The following FRMD4A variants were observed in gnomAD, a reference collection of about 807,000 sequenced individuals.
FRMD4A encodes FERM domain-containing protein 4A.
FRMD4A carries 29 observed loss-of-function variants against 129.1 expected under a neutral mutation model. The ratio of observed to expected loss-of-function variants is 0.22; its 90% CI spans 0.17 to 0.31. The LOEUF (loss-of-function observed/expected upper bound fraction) is 0.31, where lower values mean the gene tolerates loss of function less well. FRMD4A is among the 10% of genes least tolerant of loss of function. The pLI, the probability that FRMD4A is intolerant of heterozygous loss-of-function variation, is 1.00. For synonymous variants in FRMD4A, 634 were observed against 571.6 expected (o/e 1.11, Z -1.56); for missense variants, 1,272 against 1,375.8 (o/e 0.92, Z 1.19).
rs374372861 is a variant in FRMD4A at position 13,865,408 on chromosome 10, G to T, written c.46-6496C>A. Among the ~76,000 whole-genome samples, 3 of 127,146 alleles carry T rather than the reference G, an allele frequency of 2.4e-5. No homozygotes were observed. The South Asian group carries it at 8.3e-4, about 35-fold the overall frequency. 83.4% of individuals were successfully genotyped at this position (127,146 alleles called of 152,430 possible). A position where few individuals can be genotyped will look rare whatever the true frequency, so the allele number is the denominator to read the frequency against. On this transcript the variant is annotated intron_variant, in intron 2 of 24. Transcript: ENST00000357447. Reference sequence around the variant, plus strand: ...TTACTTTATTTTATTTATTTTATTTGTTTTATTTTATTTTATTTTATTTTA... The same window carrying T: ...TTACTTTATTTTATTTATTTTATTTTTTTTATTTTATTTTATTTTATTTTA...
intron 2 of FRMD4A, among the ~76,000 whole-genome samples, chr10:13,917,545 C>T (rs1305947657): frequency 2.0e-5 from 3 of 152,200 alleles, no homozygotes; most frequent in South Asian, 2.1e-4. Context: ...CTGCCTTGGC[C>T]TCCCAAAGTG....
Position 13,757,563 on chromosome 10 carries a change from T to C in FRMD4A, c.464+4084A>G, listed in dbSNP as rs181671797. ...CAATAAGACAAGGAAGTGAGCTATT[T>C]TGTTAGTGGGAAAGAAAAGACAGTT... On this transcript the variant is annotated intron_variant, in intron 8 of 24. Coordinates refer to ENST00000357447, the MANE Select transcript of FRMD4A (RefSeq NM_018027.5). Among the ~76,000 whole-genome samples, 25 of 152,292 alleles carry C rather than the reference T, an allele frequency of 1.6e-4. 1 individual carries two copies. The South Asian group carries it at 4.6e-3, about 28-fold the overall frequency.
chr10:14,178,301 C>T (rs1841800121), intron 2 of FRMD4A, among the ~76,000 whole-genome samples: 1 of 152,180 alleles, frequency 6.6e-6, no homozygotes, highest in Admixed American at 6.5e-5. Context: ...TTATTTTAGA[C>T]TATTAGGCTA....
intron 2 of FRMD4A, among the ~76,000 whole-genome samples, chr10:14,256,904 T>C (rs376110501): frequency 6.6e-6 from 1 of 152,228 alleles, no homozygotes; most frequent in African/African-American, 2.4e-5. Flanking sequence ...CATGCATGCA[T>C]GTATAGAGCA....
chr10:13,900,771 C>G (rs1380682860), intron 2 of FRMD4A, among the ~76,000 whole-genome samples: 1 of 149,244 alleles, frequency 6.7e-6, no homozygotes, highest in Non-Finnish European at 1.5e-5. Flanking sequence ...TTGGCAGGTG[C>G]CTGTAATCCC....
intron 2 of FRMD4A, among the ~76,000 whole-genome samples, chr10:14,005,789 TA>T (rs2095660101): frequency 6.6e-6 from 1 of 152,104 alleles, no homozygotes; most frequent in South Asian, 2.1e-4. Context: ...TAAAGAAGAT[TA>T]AAACTCTCCA....
rs11258545 is a variant in FRMD4A at position 13,714,061 on chromosome 10, A to T, written c.760-6948T>A. Among the ~76,000 whole-genome samples, 237 of 27,320 alleles carry T rather than the reference A, an allele frequency of 8.7e-3. 15 individuals are homozygous for T. The East Asian group carries it at 0.14, about 16-fold the overall frequency. The allele number at this position is 27,320 out of a possible 152,430, so 17.9% of individuals were successfully genotyped here. A position where few individuals can be genotyped will look rare whatever the true frequency, so the allele number is the denominator to read the frequency against. On this transcript the variant is annotated intron_variant, in intron 12 of 24. Transcript: ENST00000357447. ...ATATATATATATATATATATATATA[A>T]AATATACTTTTTTTTTGAGACACAG...
At chr10:14,058,317 T>C (rs909892480) in intron 2 of FRMD4A, among the ~76,000 whole-genome samples, 2 of 152,352 alleles carry the variant, frequency 1.3e-5, no homozygotes, top group Admixed American at 1.3e-4. Context: ...TAAATTATCA[T>C]TTGCTACATG....
chr10:14,050,973 T>C (rs1272319638), intron 2 of FRMD4A, among the ~76,000 whole-genome samples: 2 of 152,198 alleles, frequency 1.3e-5, no homozygotes, highest in Non-Finnish European at 2.9e-5. Context: ...ACCCCCTAAT[T>C]TATTGCCATT....
intron 2 of FRMD4A, among the ~76,000 whole-genome samples, chr10:14,052,896 G>A (rs193071187): frequency 1.2e-4 from 18 of 152,152 alleles, no homozygotes; most frequent in African/African-American, 3.1e-4. Context: ...AGATCTTGCC[G>A]TAACTCATAG....
At chr10:14,050,546 G>T (rs1250761068) in intron 2 of FRMD4A, among the ~76,000 whole-genome samples, 3 of 152,116 alleles carry the variant, frequency 2.0e-5, no homozygotes, top group Non-Finnish European at 4.4e-5. Context: ...AGATCGTTAA[G>T]GGAGGCTCCA....
At chr10:14,278,039 C>T (rs1412582393) in intron 2 of FRMD4A, among the ~76,000 whole-genome samples, 1 of 152,174 alleles carries the variant, frequency 6.6e-6, no homozygotes, top group Non-Finnish European at 1.5e-5. Flanking sequence ...AGCTGCCCAC[C>T]AAGCTCGCAA....
intron 2 of FRMD4A, among the ~76,000 whole-genome samples, chr10:14,196,049 A>G (rs1424663937): frequency 6.6e-6 from 1 of 152,222 alleles, no homozygotes; most frequent in East Asian, 1.9e-4. Flanking sequence ...AGGCAAGTCA[A>G]TTAAAATGGA....
At chr10:14,127,414 G>A (rs181532375) in intron 2 of FRMD4A, among the ~76,000 whole-genome samples, 407 of 152,290 alleles carry the variant, frequency 2.7e-3, no homozygotes, top group Non-Finnish European at 5.0e-3. Context: ...CCCGTCCTGC[G>A]AGGTAGACAG....
chr10:14,030,483 C>G (rs1409007223), intron 2 of FRMD4A, among the ~76,000 whole-genome samples: 1 of 152,158 alleles, frequency 6.6e-6, no homozygotes. Flanking sequence ...ATATTAATGT[C>G]CTAATGACAT....
chr10:13,694,583 T>G (rs183197631), intron 14 of FRMD4A, among the ~76,000 whole-genome samples: 4 of 152,356 alleles, frequency 2.6e-5, no homozygotes, highest in African/African-American at 9.6e-5. Context: ...CTAAGAGATT[T>G]AAACCTCTTA....
intron 2 of FRMD4A, among the ~76,000 whole-genome samples, chr10:13,990,871 G>A (rs1000432879): frequency 1.1e-4 from 16 of 152,058 alleles, no homozygotes; most frequent in Admixed American, 5.9e-4. Flanking sequence ...CATGAACACC[G>A]CAATCAGATA....
intron 8 of FRMD4A, among the ~76,000 whole-genome samples, chr10:13,750,414 C>T (rs549663698): frequency 4.2e-4 from 64 of 152,202 alleles, no homozygotes; most frequent in African/African-American, 9.9e-4. Flanking sequence ...AAGGTGCCCA[C>T]GATTTAGCTG....
chr10:13,949,272 C>CGA (rs1245422450), intron 2 of FRMD4A, among the ~76,000 whole-genome samples: 1 of 129,048 alleles, frequency 7.7e-6, no homozygotes, highest in Non-Finnish European at 1.5e-5. Flanking sequence ...ATCTGTGAGA[C>CGA]GAGCTCCCAA....
Sources: gnomAD v4.1 joint callset for allele counts (sites outside exome capture counted in the v4.1 genomes callset) on GRCh38, gnomAD v4.1.1 for gene constraint, MANE v1.5 for transcripts, NCBI Gene and HGNC (gene_info 2026-07-23, HGNC 2026-07-21) for gene names.